The following CATSPERT variants were observed in gnomAD, a reference collection of about 807,000 sequenced individuals.
CATSPERT encodes cation channel sperm-associated targeting subunit tau.
the CATSPERT span, among the ~76,000 whole-genome samples, chr2:201,515,202 G>GCT: frequency 4.1e-5 from 1 of 24,656 alleles, no homozygotes; most frequent in African/African-American, 2.5e-4. Context: ...TCTGCCCATA[G>GCT]TTTTTTTTTT....
the CATSPERT span, chr2:201,604,813 G>T: frequency 1.8e-6 from 1 of 567,850 alleles, no homozygotes. Context: ...CTCGGTATTG[G>T]GGTATTAATA....
the CATSPERT span, chr2:201,487,579 T>C: frequency 1.3e-6 from 2 of 1,578,466 alleles, no homozygotes; most frequent in Non-Finnish European, 1.7e-6. Context: ...GAGTTAAACA[T>C]GTTTTATAAT....
At chr2:201,539,489 C>T in the CATSPERT span, among the ~76,000 whole-genome samples, 1 of 133,210 alleles carries the variant, frequency 7.5e-6, no homozygotes, top group Non-Finnish European at 1.6e-5. Context: ...CTGTTCATGT[C>T]CTTTGCCCAC....
At chr2:201,561,610 G>A in the CATSPERT span, among the ~76,000 whole-genome samples, 3 of 152,052 alleles carry the variant, frequency 2.0e-5, no homozygotes, top group Non-Finnish European at 4.4e-5. Context: ...GGTGGCTCAC[G>A]CCTGTAATCC....
At chr2:201,514,486 T>C in the CATSPERT span, among the ~76,000 whole-genome samples, 1 of 152,206 alleles carries the variant, frequency 6.6e-6, no homozygotes, top group African/African-American at 2.4e-5. Flanking sequence ...CCAGCACCTA[T>C]TATTCATCAA....
At chr2:201,519,099 T>G in the CATSPERT span, among the ~76,000 whole-genome samples, 51 of 152,270 alleles carry the variant, frequency 3.3e-4, 1 homozygote, top group Admixed American at 5.2e-4. Flanking sequence ...AAGGTTTAGT[T>G]CCCTTCTCCA....
the CATSPERT span, among the ~76,000 whole-genome samples, chr2:201,501,395 C>CAAAAAAAAAA: frequency 6.4e-5 from 3 of 46,596 alleles, no homozygotes; most frequent in Non-Finnish European, 7.7e-5. Context: ...AACTCCATCT[C>CAAAAAAAAAA]AAAAAAAAAA....
At chr2:201,566,732 G>GGTATATACC in the CATSPERT span, among the ~76,000 whole-genome samples, 1 of 152,210 alleles carries the variant, frequency 6.6e-6, no homozygotes, top group Non-Finnish European at 1.5e-5. Context: ...TATTGGGATG[G>GGTATATACC]CTGGGTCAAA....
chr2:201,562,312 C>T, the CATSPERT span, among the ~76,000 whole-genome samples: 1 of 151,290 alleles, frequency 6.6e-6, no homozygotes, highest in African/African-American at 2.4e-5. Context: ...CTCAGCCTCC[C>T]GAGTAGGTGG....
chr2:201,491,414 G>C, the CATSPERT span: 3 of 1,537,134 alleles, frequency 2.0e-6, no homozygotes, highest in Non-Finnish European at 2.6e-6. Context: ...TGGAATGACT[G>C]TATTTCAGGG....
chr2:201,603,282 C>T, the CATSPERT span: 1 of 1,608,666 alleles, frequency 6.2e-7, no homozygotes, highest in East Asian at 2.2e-5. Flanking sequence ...CAACCTACAA[C>T]AATCAAAACA....
chr2:201,589,992 A>AT, the CATSPERT span, among the ~76,000 whole-genome samples: 5 of 151,600 alleles, frequency 3.3e-5, no homozygotes, highest in Non-Finnish European at 5.9e-5. Flanking sequence ...TTATTTATTT[A>AT]TTATTATTAT....
chr2:201,516,756 T>G, the CATSPERT span, among the ~76,000 whole-genome samples: 1 of 106,568 alleles, frequency 9.4e-6, no homozygotes, highest in Non-Finnish European at 1.9e-5. Flanking sequence ...AGATTTTTTT[T>G]CCCCCCTACC....
the CATSPERT span, among the ~76,000 whole-genome samples, chr2:201,579,193 ATATT>A: frequency 2.6e-5 from 4 of 152,130 alleles, no homozygotes; most frequent in African/African-American, 9.7e-5. Flanking sequence ...TATTCAGTAA[ATATT>A]TATTAAATTT....
chr2:201,506,168 G>A, the CATSPERT span, among the ~76,000 whole-genome samples: 1 of 152,212 alleles, frequency 6.6e-6, no homozygotes, highest in Non-Finnish European at 1.5e-5. Flanking sequence ...TCGGGAGGCT[G>A]AGGCAGGAGA....
the CATSPERT span, among the ~76,000 whole-genome samples, chr2:201,549,348 A>C: frequency 6.6e-6 from 1 of 152,040 alleles, no homozygotes. Flanking sequence ...AATATTAATA[A>C]TTTTCATAAT....
the CATSPERT span, among the ~76,000 whole-genome samples, chr2:201,581,325 G>A: frequency 6.6e-6 from 1 of 150,552 alleles, no homozygotes; most frequent in African/African-American, 2.5e-5. Context: ...AGAATCCCTT[G>A]AGCCAGGGAG....
At chr2:201,514,450 A>T in the CATSPERT span, among the ~76,000 whole-genome samples, 1 of 152,022 alleles carries the variant, frequency 6.6e-6, no homozygotes, top group Non-Finnish European at 1.5e-5. Flanking sequence ...CATATCAGTA[A>T]TTTCAGAAAC....
the CATSPERT span, among the ~76,000 whole-genome samples, chr2:201,559,114 C>A: frequency 6.6e-6 from 1 of 152,226 alleles, no homozygotes; most frequent in East Asian, 1.9e-4. Flanking sequence ...TGGCTATGCA[C>A]CCATGCTCAG....
Sources: allele counts gnomAD v4.1 joint callset (sites outside exome capture counted in the v4.1 genomes callset), GRCh38; gene constraint gnomAD v4.1.1; transcripts MANE v1.5; gene names NCBI Gene and HGNC (gene_info 2026-07-23, HGNC 2026-07-21).